AGBL4: variants seen among roughly 807,000 people sequenced by gnomAD.
The protein encoded by AGBL4 is cytosolic carboxypeptidase 6.
AGBL4 carries 58 observed loss-of-function variants against 66.4 expected under a neutral mutation model. The observed-to-expected ratio is 0.87, with a 90% CI of 0.71 to 1.09. The LOEUF (loss-of-function observed/expected upper bound fraction) is 1.09. AGBL4 is among the 50% of genes least tolerant of loss of function. AGBL4 has a pLI of 0.00. For missense variants in AGBL4, 579 were observed against 631.0 expected (o/e 0.92, Z 0.88); for synonymous variants, 234 against 222.9 (o/e 1.05, Z -0.44).
intron 3 of AGBL4, among the ~76,000 whole-genome samples, chr1:49,573,186 G>GTGTA (rs752585590): frequency 7.1e-6 from 1 of 141,164 alleles, no homozygotes; most frequent in Non-Finnish European, 1.5e-5. Flanking sequence ...GTGTGTGTGT[G>GTGTA]TGTATACTTT....
rs58530293 is a variant in AGBL4, at chr1:48,996,817, C to CCCTTCCTTCCTTCCTTCCTTCCTTCCTT, written c.594+48739_594+48766dup. 6.9e-3 allele frequency among the ~76,000 whole-genome samples: 1,027 copies of CCCTTCCTTCCTTCCTTCCTTCCTTCCTT among 147,834 alleles called. 17 individuals are homozygous for CCCTTCCTTCCTTCCTTCCTTCCTTCCTT. Among genetic ancestry groups the CCCTTCCTTCCTTCCTTCCTTCCTTCCTT allele is most frequent in the African/African-American group, 0.017 (665 of 39,656 alleles). On this transcript the variant is annotated intron_variant, in intron 5 of 13. Coordinates refer to ENST00000371839, the MANE Select transcript of AGBL4 (RefSeq NM_032785.4). ...GGGCCAAGGAATTTCCTTCCTTCCT[C>CCCTTCCTTCCTTCCTTCCTTCCTTCCTT]CCTTCCTTCCTTCCTTCCTTCCTTC... is the stretch of plus-strand genomic sequence containing the variant.
At chr1:48,971,319 C>T (rs1222219106) in intron 5 of AGBL4, among the ~76,000 whole-genome samples, 4 of 152,026 alleles carry the variant, frequency 2.6e-5, no homozygotes, top group African/African-American at 9.7e-5. Context: ...TATGAGAATC[C>T]AATGCCTGAT....
At chr1:49,970,471 T>C (rs1414517672) in intron 1 of AGBL4, among the ~76,000 whole-genome samples, 1 of 151,866 alleles carries the variant, frequency 6.6e-6, no homozygotes, top group Non-Finnish European at 1.5e-5. Flanking sequence ...AAAGAAGACA[T>C]CCAAATAGGT....
In AGBL4 at chr1:49,405,918, C is replaced by T. The variant is rs1489762280; in HGVS notation, c.283-160054G>A. ...ATAATATCTGCACATTTGGAAGAAT[C>T]CTATTGGAAGAAGAAAGGAGACTCA... On this transcript the variant is annotated intron_variant, in intron 3 of 13. Coordinates refer to ENST00000371839, the MANE Select transcript of AGBL4 (RefSeq NM_032785.4). Among the ~76,000 whole-genome samples the T allele has an allele frequency of 2.0e-5, 3 of 152,154 alleles. 1 individual carries two copies. The highest frequency in any genetic ancestry group is 4.1e-4 in the South Asian group (2 of 4,830).
At chr1:48,865,148 A>T (rs1394374175) in intron 6 of AGBL4, among the ~76,000 whole-genome samples, 1 of 152,016 alleles carries the variant, frequency 6.6e-6, no homozygotes, top group African/African-American at 2.4e-5. Flanking sequence ...AAAGGTAGCA[A>T]GTTGATTCCT....
intron 3 of AGBL4, among the ~76,000 whole-genome samples, chr1:49,617,649 T>C (rs188876792): frequency 9.2e-4 from 140 of 152,332 alleles, no homozygotes; most frequent in Non-Finnish European, 1.6e-3. Context: ...GCCCTTATCA[T>C]AGTACCTATC....
intron 3 of AGBL4, among the ~76,000 whole-genome samples, chr1:49,495,545 A>T (rs1185035863): frequency 6.6e-6 from 1 of 151,826 alleles, no homozygotes; most frequent in Admixed American, 6.6e-5. Flanking sequence ...TTCAGAAGGA[A>T]CAAAAAAAAA....
intron 5 of AGBL4, among the ~76,000 whole-genome samples, chr1:48,900,310 A>G (rs1028855264): frequency 3.9e-5 from 6 of 152,258 alleles, no homozygotes. Flanking sequence ...GAATTTTTAA[A>G]AGAGGATGGG....
intron 9 of AGBL4, among the ~76,000 whole-genome samples, chr1:48,632,246 T>C (rs1385736199): frequency 6.6e-6 from 1 of 152,174 alleles, no homozygotes; most frequent in Non-Finnish European, 1.5e-5. Flanking sequence ...AAATGGCTTA[T>C]ACAACTAGCT....
chr1:49,503,761 G>A (rs1648418277), intron 3 of AGBL4, among the ~76,000 whole-genome samples: 1 of 152,082 alleles, frequency 6.6e-6, no homozygotes, highest in Non-Finnish European at 1.5e-5. Context: ...TCTCTCATTT[G>A]GAGTGGGTAT....
At position 48,534,864 on chromosome 1, in the gene AGBL4, A is replaced by G. The variant is rs1435345364; in HGVS notation, c.1391+26T>C. The G allele has an allele frequency of 1.9e-6, 3 of 1,550,490 alleles. No homozygotes were observed. In the South Asian group the frequency reaches 3.6e-5, roughly 18 times the overall value. On this transcript the variant is annotated intron_variant, in intron 13 of 13. Transcript: ENST00000371839. ...CATGCATGGTATGTTACTTACGGGCAATGTCATCTTGAAGCAGTTCCTTAC... is the reference window on the plus strand; with the variant it reads ...CATGCATGGTATGTTACTTACGGGCGATGTCATCTTGAAGCAGTTCCTTAC...
At chr1:49,037,372 A>G (rs1371677708) in intron 5 of AGBL4, among the ~76,000 whole-genome samples, 1 of 152,106 alleles carries the variant, frequency 6.6e-6, no homozygotes, top group Middle Eastern at 3.2e-3. Context: ...TGCCACCAGC[A>G]GGGGAGGCTT....
intron 5 of AGBL4, among the ~76,000 whole-genome samples, chr1:48,989,567 A>G (rs774544246): frequency 6.6e-6 from 1 of 151,988 alleles, no homozygotes; most frequent in African/African-American, 2.4e-5. Flanking sequence ...TCTACTCTCT[A>G]TCTCCATGAG....
chr1:49,541,306 T>C (rs1652000140), intron 3 of AGBL4, among the ~76,000 whole-genome samples: 1 of 152,082 alleles, frequency 6.6e-6, no homozygotes, highest in Non-Finnish European at 1.5e-5. Context: ...CAGAGCCGCC[T>C]CCCTCTGCTT....
chr1:48,785,989 A>C (rs1645398666), intron 6 of AGBL4, among the ~76,000 whole-genome samples: 1 of 151,780 alleles, frequency 6.6e-6, no homozygotes, highest in South Asian at 2.1e-4. Flanking sequence ...ACAAGTCCTC[A>C]TAGGGCCAGA....
chr1:49,931,141 G>C (rs938742565), intron 1 of AGBL4, among the ~76,000 whole-genome samples: 1 of 151,984 alleles, frequency 6.6e-6, no homozygotes, highest in Non-Finnish European at 1.5e-5. Flanking sequence ...AAATGTTAAA[G>C]TACTTCTTAC....
chr1:48,868,865 C>T (rs931430094), intron 5 of AGBL4, among the ~76,000 whole-genome samples: 10 of 152,126 alleles, frequency 6.6e-5, no homozygotes, highest in Admixed American at 6.6e-4. Flanking sequence ...AAAGCTGCTT[C>T]CTGATGACAC....
rs769268192 is a variant in AGBL4, at chr1:48,534,305, G to T, written c.1392-12C>A. On this transcript the variant is annotated splice_polypyrimidine_tract_variant and intron_variant, in intron 13 of 13. Coordinates refer to ENST00000371839, the MANE Select transcript of AGBL4 (RefSeq NM_032785.4). Reference sequence around the variant, plus strand: ...GGGATTTTTCTTTCCTGCAAAGGGGGAGATAACAGAAAGAGAGAAGACAGC... The same window carrying T: ...GGGATTTTTCTTTCCTGCAAAGGGGTAGATAACAGAAAGAGAGAAGACAGC... 2 of 1,547,286 alleles carry T rather than the reference G, an allele frequency of 1.3e-6. No homozygotes were observed. Among genetic ancestry groups the T allele is most frequent in the African/African-American group, 1.4e-5 (1 of 72,672 alleles).
intron 3 of AGBL4, among the ~76,000 whole-genome samples, chr1:49,591,991 G>GA (rs1318346506): frequency 6.6e-6 from 1 of 152,076 alleles, no homozygotes; most frequent in Non-Finnish European, 1.5e-5. Flanking sequence ...AACCCTGGAA[G>GA]AAAACCTAAA....
Sources: allele counts gnomAD v4.1 joint callset (sites outside exome capture counted in the v4.1 genomes callset), GRCh38; gene constraint gnomAD v4.1.1; transcripts MANE v1.5; gene names NCBI Gene and HGNC (gene_info 2026-07-23, HGNC 2026-07-21).